Variants in NFIA observed in about 807,000 individuals in gnomAD.
The protein encoded by NFIA is nuclear factor 1 A-type.
NFIA carries 8 observed loss-of-function variants against 62.8 expected under a neutral mutation model. The ratio of observed to expected loss-of-function variants is 0.13; its 90% confidence interval spans 0.07 to 0.23. NFIA has a LOEUF of 0.23. Ranked by LOEUF, NFIA falls within the 10% of genes least tolerant of loss-of-function variation. NFIA has a pLI of 1.00. For missense variants in NFIA, 410 were observed against 642.1 expected (o/e 0.64, Z 3.91); for synonymous variants, 235 against 238.1 (o/e 0.99, Z 0.12).
intron 4 of NFIA, among the ~76,000 whole-genome samples, chr1:61,336,703 C>T (rs184781245): frequency 1.3e-5 from 2 of 152,280 alleles, no homozygotes; most frequent in African/African-American, 4.8e-5. Context: ...GATCTTTTTA[C>T]TCTCTCCATA....
At chr1:61,188,381 A>C (rs1651360832) in intron 2 of NFIA, among the ~76,000 whole-genome samples, 1 of 152,332 alleles carries the variant, frequency 6.6e-6, no homozygotes, top group South Asian at 2.1e-4. Context: ...CTATTGTGTC[A>C]TGGGCTGCAA....
At chr1:61,234,054 C>T (rs1654833778) in intron 2 of NFIA, among the ~76,000 whole-genome samples, 1 of 152,052 alleles carries the variant, frequency 6.6e-6, no homozygotes, top group Admixed American at 6.6e-5. Flanking sequence ...CTCTCCTTTC[C>T]ACACAAAGAC....
At chr1:61,341,336 C>T (rs1444531000) in intron 4 of NFIA, among the ~76,000 whole-genome samples, 1 of 152,092 alleles carries the variant, frequency 6.6e-6, no homozygotes, top group East Asian at 1.9e-4. Flanking sequence ...CAGGTGTGAG[C>T]CACTGCACCT....
At chr1:61,202,807 T>C (rs1652600154) in intron 2 of NFIA, among the ~76,000 whole-genome samples, 1 of 152,250 alleles carries the variant, frequency 6.6e-6, no homozygotes, top group South Asian at 2.1e-4. Context: ...GAGAATATTT[T>C]AAATGTCTTG....
chr1:61,188,778 G>A (rs955943324), intron 2 of NFIA, among the ~76,000 whole-genome samples: 1 of 152,126 alleles, frequency 6.6e-6, no homozygotes, highest in African/African-American at 2.4e-5. Context: ...ACTCTTAACT[G>A]TTGCTACCAG....
chr1:61,188,922 G>A (rs1477009184), intron 2 of NFIA, among the ~76,000 whole-genome samples: 2 of 152,108 alleles, frequency 1.3e-5, no homozygotes, highest in Non-Finnish European at 1.5e-5. Flanking sequence ...GTGCTTCCTT[G>A]TCTGTAAAAT....
intron 2 of NFIA, among the ~76,000 whole-genome samples, chr1:61,106,813 A>G (rs566261298): frequency 4.6e-5 from 7 of 151,556 alleles, no homozygotes; most frequent in African/African-American, 1.2e-4. Flanking sequence ...AATTCCTCCT[A>G]TTATCCTGAA....
At chr1:61,133,397 A>G (rs1647116779) in intron 2 of NFIA, among the ~76,000 whole-genome samples, 1 of 152,150 alleles carries the variant, frequency 6.6e-6, no homozygotes, top group Non-Finnish European at 1.5e-5. Flanking sequence ...AAAGCCATAT[A>G]TATTAAACTA....
chr1:61,197,353 C>T (rs1227124930), intron 2 of NFIA, among the ~76,000 whole-genome samples: 1 of 150,682 alleles, frequency 6.6e-6, no homozygotes, highest in Non-Finnish European at 1.5e-5. Context: ...ATTCTTCTGC[C>T]TCAGCCTCCT....
intron 2 of NFIA, among the ~76,000 whole-genome samples, chr1:61,099,190 C>T (rs909263804): frequency 2.0e-5 from 3 of 152,186 alleles, no homozygotes; most frequent in Admixed American, 2.0e-4. Context: ...TTCAGTTTGG[C>T]TGTATAAAGA....
At chr1:61,366,371 T>A (rs1409367650) in intron 6 of NFIA, among the ~76,000 whole-genome samples, 1 of 152,200 alleles carries the variant, frequency 6.6e-6, no homozygotes, top group Non-Finnish European at 1.5e-5. Context: ...GTGTTTCAAA[T>A]ATATGCATAA....
At chr1:61,213,764 A>G (rs955841827) in intron 2 of NFIA, among the ~76,000 whole-genome samples, 2 of 152,292 alleles carry the variant, frequency 1.3e-5, no homozygotes, top group East Asian at 3.9e-4. Context: ...ATGGCTTGAA[A>G]TAATGGTCAG....
At chr1:61,344,599 C>T (rs1662114775) in intron 4 of NFIA, among the ~76,000 whole-genome samples, 1 of 152,172 alleles carries the variant, frequency 6.6e-6, no homozygotes, top group African/African-American at 2.4e-5. Context: ...CCCACAAGGG[C>T]AGGGGTTTTC....
chr1:61,177,805 C>CTCTATTAT (rs1650481748), intron 2 of NFIA, among the ~76,000 whole-genome samples: 1 of 152,098 alleles, frequency 6.6e-6, no homozygotes, highest in South Asian at 2.1e-4. Flanking sequence ...AATAAACCAA[C>CTCTATTAT]TCTATTATTG....
intron 2 of NFIA, among the ~76,000 whole-genome samples, chr1:61,203,087 G>T (rs1184208713): frequency 6.6e-6 from 1 of 152,198 alleles, no homozygotes; most frequent in Admixed American, 6.5e-5. Flanking sequence ...CTACATTTTT[G>T]CTGATCAAGC....
At chr1:61,292,876 A>G (rs1658976676) in intron 3 of NFIA, among the ~76,000 whole-genome samples, 1 of 152,172 alleles carries the variant, frequency 6.6e-6, no homozygotes, top group Admixed American at 6.5e-5. Context: ...TCTAGCTGTC[A>G]GTTCCTGCAC....
At chr1:61,303,097 A>T (rs529083171) in intron 3 of NFIA, among the ~76,000 whole-genome samples, 4 of 152,338 alleles carry the variant, frequency 2.6e-5, no homozygotes, top group African/African-American at 9.6e-5. Flanking sequence ...TGGCTAAATG[A>T]TCTGTGCACT....
At chr1:61,276,432 A>G (rs889380874) in intron 2 of NFIA, among the ~76,000 whole-genome samples, 3 of 152,180 alleles carry the variant, frequency 2.0e-5, no homozygotes, top group Admixed American at 1.3e-4. Flanking sequence ...AAACTTGCAG[A>G]AATGTGGTTA....
chr1:61,328,006 T>C (rs1201167692), intron 3 of NFIA, among the ~76,000 whole-genome samples: 5 of 152,172 alleles, frequency 3.3e-5, no homozygotes, highest in Non-Finnish European at 7.4e-5. Context: ...ATTTCCCTGA[T>C]GATTAGTGAT....
Sources: allele counts gnomAD v4.1 joint callset (sites outside exome capture counted in the v4.1 genomes callset), GRCh38; gene constraint gnomAD v4.1.1; transcripts MANE v1.5; gene names NCBI Gene and HGNC (gene_info 2026-07-23, HGNC 2026-07-21).